MYO10: variants seen among roughly 807,000 people sequenced by gnomAD.
MYO10 encodes the protein unconventional myosin-X.
Under a neutral mutation model 257.3 loss-of-function variants are expected in MYO10, and 133 were observed. The observed-to-expected ratio is 0.52, with a 90% confidence interval of 0.45 to 0.60. The LOEUF (loss-of-function observed/expected upper bound fraction) is 0.60, where lower values mean the gene tolerates loss of function less well. MYO10 is among the 20% of genes least tolerant of loss of function. The pLI is 0.00. For missense variants in MYO10, 2,399 were observed against 2,635.7 expected, an observed-to-expected ratio of 0.91 and a Z score of 1.97; for synonymous variants, 1,104 against 1,028.6, an observed-to-expected ratio of 1.07 and a Z score of -1.40.
rs201059706 is a variant in MYO10, at chr5:16,886,592, GTCA to G, written c.22-8888_22-8886del. Among the ~76,000 whole-genome samples the G allele has an allele frequency of 6.0e-3, 918 of 152,188 alleles. 8 individuals carry two copies. The highest frequency in any genetic ancestry group is 0.014 in the Middle Eastern group (4 of 294). ...TATAGCTTTCAGCTACATCATCATC[GTCA>G]TCATCATTTCTCAAGCTTGCCTATG... On this transcript the variant is annotated intron_variant, in intron 1 of 40. Coordinates refer to ENST00000513610, the MANE Select transcript of MYO10 (RefSeq NM_012334.3).
At chr5:16,900,366 C>T (rs2253871) in intron 1 of MYO10, among the ~76,000 whole-genome samples, 39,017 of 152,042 alleles carry the variant, frequency 0.26, 6,255 homozygotes, top group Admixed American at 0.39. Flanking sequence ...GTAGAAACAG[C>T]GGTCTAAGGC....
In MYO10 at chr5:16,769,153, C is replaced by A. The variant is rs1441503079; in HGVS notation, c.981G>T (p.Ser327=). 6.2e-7 allele frequency: 1 copy of A among 1,612,606 alleles called. No individual in the cohort carries two copies. Among genetic ancestry groups the A allele is most frequent in the Non-Finnish European group, 8.5e-7 (1 of 1,179,410 alleles). Residue 327 remains serine, a synonymous_variant, in exon 10 of 41, where the codon TCG becomes TCT. Coordinates refer to ENST00000513610, the MANE Select transcript of MYO10 (RefSeq NM_012334.3). ...GATGCAGTATACCAGCAAGCAGCCT[C>A]GACACTTCCCGAACTTCCTCCTTGC... The part of the protein sequence containing the change: ...QFSKEEVREV[S]RLLAGILHLG...
At chr5:16,900,443 A>G (rs1412293404) in intron 1 of MYO10, among the ~76,000 whole-genome samples, 2 of 152,142 alleles carry the variant, frequency 1.3e-5, no homozygotes, top group Non-Finnish European at 2.9e-5. Context: ...TGAACAGAGA[A>G]AAAAACTACC....
chr5:16,709,900 T>TAG (rs3884117), intron 21 of MYO10, among the ~76,000 whole-genome samples: 52,457 of 151,950 alleles, frequency 0.35, 9,456 homozygotes, highest in East Asian at 0.46. Context: ...AGGGAGGTAG[T>TAG]AGGTCCATCA....
At chr5:16,876,040 G>A (rs1744590555) in intron 2 of MYO10, among the ~76,000 whole-genome samples, 1 of 152,154 alleles carries the variant, frequency 6.6e-6, no homozygotes, top group Admixed American at 6.5e-5. Context: ...TTGAACCCAG[G>A]AGGCGAAGGT....
intron 19 of MYO10, among the ~76,000 whole-genome samples, chr5:16,717,353 A>T (rs1243092942): frequency 1.3e-5 from 2 of 152,224 alleles, no homozygotes; most frequent in African/African-American, 4.8e-5. Context: ...CTAGGCAGAG[A>T]ATGTGGTCTA....
At chr5:16,877,563 C>T (rs1214858099) in intron 2 of MYO10, 46 bp downstream of exon 2, 1 of 1,502,652 alleles carries the variant, frequency 6.7e-7, no homozygotes, top group African/African-American at 1.4e-5. Flanking sequence ...CGAATAGCTA[C>T]AAAGCAGACC....
chr5:16,679,876 AGGTCTT>A (rs1736906418), intron 33 of MYO10, 65 bp downstream of exon 33: 2 of 1,540,424 alleles, frequency 1.3e-6, no homozygotes, highest in Non-Finnish European at 1.8e-6. Context: ...ACTAATGCTG[AGGTCTT>A]GGTGCTCTAA....
chr5:16,714,766 T>C (rs183543752), intron 19 of MYO10, among the ~76,000 whole-genome samples: 2 of 152,108 alleles, frequency 1.3e-5, no homozygotes, highest in African/African-American at 4.8e-5. Flanking sequence ...GAGCTTGCAG[T>C]GAGCCAAGAT....
At chr5:16,768,081 G>A (rs187946078) in intron 10 of MYO10, among the ~76,000 whole-genome samples, 68 of 152,138 alleles carry the variant, frequency 4.5e-4, no homozygotes, top group Middle Eastern at 3.4e-3. Context: ...GAGGTGCTGG[G>A]TAGAACCAGA....
intron 17 of MYO10, 109 bp from the exon 18 acceptor site, chr5:16,758,335 C>T (rs187010748): frequency 1.3e-6 from 1 of 772,140 alleles, no homozygotes; most frequent in African/African-American, 1.7e-5. Context: ...AAGTAATACA[C>T]CCTAGGCCTG....
chr5:16,712,572 C>T (rs1441776797), intron 19 of MYO10, among the ~76,000 whole-genome samples: 1 of 152,160 alleles, frequency 6.6e-6, no homozygotes, highest in African/African-American at 2.4e-5. Context: ...AATTTGTGAC[C>T]CTTAAAAATG....
intron 26 of MYO10, among the ~76,000 whole-genome samples, chr5:16,697,512 C>T (rs537157444): frequency 5.4e-4 from 82 of 152,006 alleles, no homozygotes; most frequent in Non-Finnish European, 9.7e-4. Context: ...CCAGCCTGGC[C>T]GACATGGTGA....
intron 2 of MYO10, among the ~76,000 whole-genome samples, chr5:16,863,394 G>C (rs762214837): frequency 9.2e-5 from 14 of 152,148 alleles, no homozygotes; most frequent in Admixed American, 2.0e-4. Context: ...TTCACTTAAA[G>C]GGGCCAGGCC....
chr5:16,682,951 G>C (rs893986938), intron 30 of MYO10, among the ~76,000 whole-genome samples: 10 of 152,090 alleles, frequency 6.6e-5, no homozygotes, highest in African/African-American at 2.4e-4. Context: ...TAAAGATGTG[G>C]AGAAGGTAAG....
intron 35 of MYO10, among the ~76,000 whole-genome samples, chr5:16,674,347 T>C (rs1736621175): frequency 2.0e-5 from 3 of 152,000 alleles, no homozygotes; most frequent in Non-Finnish European, 4.4e-5. Flanking sequence ...CGGGCGCCTG[T>C]AATCTCAGCT....
intron 21 of MYO10, among the ~76,000 whole-genome samples, chr5:16,708,702 T>C (rs959889252): frequency 1.3e-5 from 2 of 152,116 alleles, no homozygotes; most frequent in African/African-American, 2.4e-5. Flanking sequence ...GCTGGGACTA[T>C]AGGCACATGC....
At chr5:16,803,348 A>G (rs1035056182) in intron 3 of MYO10, among the ~76,000 whole-genome samples, 8 of 152,258 alleles carry the variant, frequency 5.3e-5, no homozygotes, top group South Asian at 2.1e-4. Context: ...GGATCACCTG[A>G]GCCCAGGAGG....
chr5:16,767,557 T>C (rs1465780459), intron 10 of MYO10, among the ~76,000 whole-genome samples: 2 of 152,204 alleles, frequency 1.3e-5, no homozygotes, highest in Non-Finnish European at 2.9e-5. Context: ...TTTTCTGATT[T>C]GGAAAACAGT....
Sources: gnomAD v4.1 joint callset for allele counts (sites outside exome capture counted in the v4.1 genomes callset) on GRCh38, gnomAD v4.1.1 for gene constraint, MANE v1.5 for transcripts, NCBI Gene and HGNC (gene_info 2026-07-23, HGNC 2026-07-21) for gene names.